WEE1: variants seen among roughly 807,000 people sequenced by gnomAD.
WEE1 encodes WEE1 G2 checkpoint kinase.
A neutral mutation model predicts 68.8 loss-of-function variants in WEE1; 16 were observed. The ratio of observed to expected loss-of-function variants is 0.23; its 90% CI spans 0.16 to 0.35. WEE1 has a LOEUF of 0.35. WEE1 is among the 10% of genes least tolerant of loss of function. The probability of loss-of-function intolerance (pLI) is 1.00; values close to 1 mark genes in which losing one functional copy is unlikely to be tolerated. For missense variants in WEE1, 651 were observed against 824.1 expected (o/e 0.79, Z 2.57); for synonymous variants, 349 against 318.7 (o/e 1.09, Z -1.01).
chr11:9,588,370 C>T, intron 10 of WEE1, 79 bp from the exon 11 acceptor site: 5 of 983,090 alleles, frequency 5.1e-6, no homozygotes, highest in South Asian at 2.7e-5. Flanking sequence ...CAAATATCTC[C>T]CAATCGACAA....
intron 5 of WEE1, chr11:9,577,681 T>C: frequency 3.0e-6 from 1 of 333,966 alleles, no homozygotes; most frequent in Non-Finnish European, 5.9e-6. Context: ...ACTGAGTCTC[T>C]GTTGATCTAA....
intron 5 of WEE1, chr11:9,579,139 C>T (rs1286561700): frequency 2.0e-5 from 3 of 152,116 alleles, no homozygotes; most frequent in African/African-American, 4.8e-5. Context: ...ACCCTGACCT[C>T]GTGATCCACC....
intron 6 of WEE1, among the ~76,000 whole-genome samples, chr11:9,583,762 C>T (rs1849658962): frequency 5.5e-5 from 2 of 36,342 alleles, no homozygotes; most frequent in Non-Finnish European, 1.1e-4. Context: ...CACGCGCGCG[C>T]ACACACACAC....
chr11:9,585,071 A>AG (rs752371932), intron 6 of WEE1, 187 bp from the exon 7 acceptor site: 6 of 576,900 alleles, frequency 1.0e-5, no homozygotes, highest in African/African-American at 1.9e-5. Flanking sequence ...TCAAAAAAAA[A>AG]CAAAAAAAAT....
Position 9,576,759 on chromosome 11 carries a change from T to G in WEE1, c.1019+100T>G. ...AACACTGAATTCCATCTCTAACTTT[T>G]GAGAAGCTGTAATGATTTAATCAGG... is the stretch of plus-strand genomic sequence containing the variant. On this transcript the variant is annotated intron_variant, in intron 4 of 10. Coordinates refer to ENST00000450114, the MANE Select transcript of WEE1 (RefSeq NM_003390.4). The surrounding 1 kb of genome is among the most constrained non-coding windows in gnomAD (Gnocchi z 4.3). 8.0e-7 allele frequency: 1 copy of G among 1,254,900 alleles called. No individual in the cohort carries two copies. Among genetic ancestry groups the G allele is most frequent in the Non-Finnish European group, 1.1e-6 (1 of 907,976 alleles). 77.7% of individuals were successfully genotyped at this position (1,254,900 alleles called of 1,614,324 possible).
chr11:9,589,048 T>TTTA lies in WEE1; in HGVS notation c.*446_*447insTTA. The TTTA allele has an allele frequency of 1.0e-6, 1 of 985,778 alleles. No homozygotes were observed. The highest frequency in any genetic ancestry group is 1.2e-6 in the Non-Finnish European group (1 of 829,888). The allele number at this position is 985,778 out of a possible 1,614,324, so 61.1% of individuals were successfully genotyped here. ...GTCCATCTTATATTTCTTTTTTTTT[T>TTTA]AATTGTGAATTAGACTTGTATATCC... On this transcript the variant is annotated 3_prime_UTR_variant, in exon 11 of 11. Coordinates refer to ENST00000450114, the MANE Select transcript of WEE1 (RefSeq NM_003390.4).
chr11:9,589,326 C>G lies in WEE1; in HGVS notation c.*724C>G. 3 of 984,640 alleles carry G rather than the reference C, an allele frequency of 3.0e-6. No individual in the cohort carries two copies. The highest frequency in any genetic ancestry group is 3.6e-6 in the Non-Finnish European group (3 of 829,762). 61.0% of individuals were successfully genotyped at this position (984,640 alleles called of 1,614,324 possible). The stretch of plus-strand genomic sequence containing the variant: ...AAGCTAGTGCATTGGAAAAATGCAC[C>G]CTTTCCCTCCTTTGGAATGCTGTAT... On this transcript the variant is annotated 3_prime_UTR_variant, in exon 11 of 11. Coordinates refer to ENST00000450114, the MANE Select transcript of WEE1 (RefSeq NM_003390.4).
In WEE1 at chr11:9,574,440, C is replaced by T; in HGVS notation, c.507C>T (p.Asp169=). 1 of 1,223,516 alleles carries T rather than the reference C, an allele frequency of 8.2e-7. No individual in the cohort carries two copies. The highest frequency in any genetic ancestry group is 1.0e-6 in the Non-Finnish European group (1 of 987,438). 75.8% of individuals were successfully genotyped at this position (1,223,516 alleles called of 1,614,324 possible). ...AGEGRRSPRP[D]HPGTPPHKTF... is the part of the protein sequence containing the mutation. ...AAGGCCGCCGCTCGCCGCGGCCGGA[C>T]CACCCGGGCACCCCGCCACACAAGA... Residue 169 remains aspartate, a synonymous_variant, in exon 1 of 11, where the codon GAC becomes GAT. Transcript: ENST00000450114. The surrounding 1 kb of genome is among the most constrained non-coding windows in gnomAD (Gnocchi z 4.9).
At chr11:9,586,951 A>G (rs1849706661) in intron 10 of WEE1, 95 bp downstream of exon 10, 1 of 1,381,698 alleles carries the variant, frequency 7.2e-7, no homozygotes, top group African/African-American at 1.5e-5. Context: ...TCAACAAAGG[A>G]TGTAGTGGTT....
chr11:9,581,419 A>G lies in WEE1; in HGVS notation c.1142-113A>G, dbSNP rs545394359. 1.5e-5 allele frequency: 16 copies of G among 1,049,428 alleles called. No individual in the cohort carries two copies. The South Asian group carries it at 1.9e-4, about 13-fold the overall frequency. 65.0% of individuals were successfully genotyped at this position (1,049,428 alleles called of 1,614,324 possible). A position where few individuals can be genotyped will look rare whatever the true frequency, so the allele number is the denominator to read the frequency against. On this transcript the variant is annotated intron_variant, in intron 5 of 10. Coordinates refer to ENST00000450114, the MANE Select transcript of WEE1 (RefSeq NM_003390.4). ...AAGCAGGTTGAAGGGAGAAGGTCCT[A>G]TAAAATAACACTTTCTTGGTTGAGA...
chr11:9,581,641 T>C lies in WEE1; in HGVS notation c.1251T>C (p.Ile417=). ...LLQVGRGLRY[I]HSMSLVHMDI... ...AAGTTGGCCGAGGCTTGAGGTATAT[T>C]CATTCAATGTCTTTGGTTCACATGG... Residue 417 remains isoleucine, a synonymous_variant, in exon 6 of 11, where the codon ATT becomes ATC. Transcript: ENST00000450114. 1 of 1,613,252 alleles carries C rather than the reference T, an allele frequency of 6.2e-7. No individual in the cohort carries two copies. Among genetic ancestry groups the C allele is most frequent in the Non-Finnish European group, 8.5e-7 (1 of 1,179,810 alleles).
chr11:9,577,111 TAC>T (rs1433208101), intron 4 of WEE1, 29 bp from the exon 5 acceptor site: 3 of 1,582,344 alleles, frequency 1.9e-6, no homozygotes, highest in Non-Finnish European at 2.6e-6. Context: ...GAAAATTATT[TAC>T]CATTCTATTA....
intron 10 of WEE1, among the ~76,000 whole-genome samples, chr11:9,587,264 G>A (rs1849711436): frequency 6.6e-6 from 1 of 152,168 alleles, no homozygotes; most frequent in Non-Finnish European, 1.5e-5. Context: ...CCCGGCTCCA[G>A]TAGTTCGATA....
Position 9,589,183 on chromosome 11 carries a change from A to G in WEE1, c.*581A>G. On this transcript the variant is annotated 3_prime_UTR_variant, in exon 11 of 11. Transcript: ENST00000450114. ...AGTTTTGTCTTTGCTGTAAACTTGT[A>G]GCATTAAACAATCATTGTTGTTAAT... 1.0e-6 allele frequency: 1 copy of G among 985,750 alleles called. No individual in the cohort carries two copies. Among genetic ancestry groups the G allele is most frequent in the Non-Finnish European group, 1.2e-6 (1 of 829,904 alleles). 61.1% of individuals were successfully genotyped at this position (985,750 alleles called of 1,614,324 possible).
intron 6 of WEE1, among the ~76,000 whole-genome samples, chr11:9,584,226 C>G (rs1849676120): frequency 1.3e-5 from 2 of 152,074 alleles, no homozygotes; most frequent in African/African-American, 2.4e-5. Flanking sequence ...GCTTTGAATT[C>G]CTGGGCTCAA....
intron 6 of WEE1, among the ~76,000 whole-genome samples, chr11:9,583,790 CACACACACACACATATATATATATATAT>C (rs1849663778): frequency 2.6e-4 from 8 of 30,496 alleles, no homozygotes; most frequent in African/African-American, 4.8e-4. Context: ...CACACACACA[CACACACACACACATATATATATATATAT>C]ATATATATAT....
At position 9,576,846 on chromosome 11, in the gene WEE1, G is replaced by T. The variant is rs181607426; in HGVS notation, c.1019+187G>T. On this transcript the variant is annotated intron_variant, in intron 4 of 10. Transcript: ENST00000450114. This position sits in a 1 kb window ranked among gnomAD's most constrained non-coding sequence, Gnocchi z 4.3. ...TGTTGAATAATATGAGTCTGATTTT[G>T]GAACCTAACTTAAATTTCTTATTTC... Among the ~76,000 whole-genome samples, 728 of 152,202 alleles carry T rather than the reference G, an allele frequency of 4.8e-3. 10 individuals carry two copies. Among genetic ancestry groups the T allele is most frequent in the Non-Finnish European group, 5.4e-3 (365 of 67,996 alleles).
At position 9,573,886 on chromosome 11, in the gene WEE1, C is replaced by CCCGCAGGCCT; in HGVS notation, c.-43_-34dup. On this transcript the variant is annotated 5_prime_UTR_variant, in exon 1 of 11. Coordinates refer to ENST00000450114, the MANE Select transcript of WEE1 (RefSeq NM_003390.4). ...CCCCCAGGCCCGCAGTGTCCTGGACCCCGCAGGCCTCCGCTCTCCTGTCCT... is the reference window on the plus strand; with the variant it reads ...CCCCCAGGCCCGCAGTGTCCTGGACCCCGCAGGCCTCCGCAGGCCTCCGCTCTCCTGTCCT... 1 of 1,210,716 alleles carries CCCGCAGGCCT rather than the reference C, an allele frequency of 8.3e-7. No homozygotes were observed. Among genetic ancestry groups the CCCGCAGGCCT allele is most frequent in the Non-Finnish European group, 1.0e-6 (1 of 972,052 alleles). The allele number at this position is 1,210,716 out of a possible 1,614,324, so 75.0% of individuals were successfully genotyped here. A position where few individuals can be genotyped will look rare whatever the true frequency, so the allele number is the denominator to read the frequency against.
rs562201298 is a variant in WEE1 at position 9,575,392 on chromosome 11, T to G, written c.577-496T>G. 3.6e-5 allele frequency: 36 copies of G among 992,310 alleles called. No individual in the cohort carries two copies. In the African/African-American group the frequency reaches 5.2e-4, roughly 14 times the overall value. 61.5% of individuals were successfully genotyped at this position (992,310 alleles called of 1,614,324 possible). On this transcript the variant is annotated intron_variant, in intron 1 of 10. Transcript: ENST00000450114. ...CCTTTTAAAGTGAGTTTGTTTTGTT[T>G]TCAATGTACTGTTTGTCATCAGCCT...
Sources: allele counts gnomAD v4.1 joint callset (sites outside exome capture counted in the v4.1 genomes callset), GRCh38; gene constraint gnomAD v4.1.1; non-coding constraint Gnocchi (gnomAD v3.1); transcripts MANE v1.5; gene names NCBI Gene and HGNC (gene_info 2026-07-23, HGNC 2026-07-21).